Variants in DCC observed in about 807,000 individuals in gnomAD.
The protein encoded by DCC is DCC netrin 1 receptor.
A neutral mutation model predicts 172.5 loss-of-function variants in DCC; 58 were observed. That is an observed-to-expected ratio of 0.34 (90% CI 0.27 to 0.42). The LOEUF is 0.42. DCC is among the 10% of genes least tolerant of loss of function. The pLI, the probability that DCC is intolerant of heterozygous loss-of-function variation, is 1.00. For synonymous variants in DCC, 709 were observed against 644.5 expected, an observed-to-expected ratio of 1.10 and a Z score of -1.52; for missense variants, 1,740 against 1,791.0, an observed-to-expected ratio of 0.97 and a Z score of 0.51.
chr18:53,510,382 G>C lies in DCC; in HGVS notation c.4111+10872G>C, dbSNP rs2046235881. ...TGAATAGTGATAATGTTAAATCACA[G>C]AGAATGGGAGCTAATTAAAATAAAT... On this transcript the variant is annotated intron_variant, in intron 27 of 28. Transcript: ENST00000442544. 2.0e-5 allele frequency among the ~76,000 whole-genome samples: 3 copies of C among 152,210 alleles called. No homozygotes were observed. In the South Asian group the frequency reaches 6.2e-4, roughly 32 times the overall value.
At chr18:52,629,673 G>A (rs1323847867) in intron 1 of DCC, among the ~76,000 whole-genome samples, 2 of 152,004 alleles carry the variant, frequency 1.3e-5, no homozygotes, top group Non-Finnish European at 2.9e-5. Context: ...AAATTAGTCC[G>A]GGCGCGGTGG....
At chr18:53,335,107 A>T (rs2057577054) in intron 14 of DCC, among the ~76,000 whole-genome samples, 1 of 152,108 alleles carries the variant, frequency 6.6e-6, no homozygotes, top group African/African-American at 2.4e-5. Context: ...GATGTTCCAG[A>T]TGTGATGATC....
chr18:52,359,009 A>G (rs1167482548), intron 1 of DCC, among the ~76,000 whole-genome samples: 1 of 152,204 alleles, frequency 6.6e-6, no homozygotes, highest in East Asian at 1.9e-4. Context: ...ACAACAATTC[A>G]TTTAACTAGG....
At chr18:52,617,448 C>T (rs1235139487) in intron 1 of DCC, among the ~76,000 whole-genome samples, 1 of 152,260 alleles carries the variant, frequency 6.6e-6, no homozygotes, top group East Asian at 1.9e-4. Flanking sequence ...AATGCACACA[C>T]TACTGAATCG....
At chr18:52,606,412 G>A (rs2034132133) in intron 1 of DCC, among the ~76,000 whole-genome samples, 1 of 152,034 alleles carries the variant, frequency 6.6e-6, no homozygotes, top group Non-Finnish European at 1.5e-5. Flanking sequence ...CTAGTACAAA[G>A]TAGGTATTCT....
intron 3 of DCC, among the ~76,000 whole-genome samples, chr18:52,920,773 A>G (rs1598931613): frequency 6.6e-6 from 1 of 152,170 alleles, no homozygotes; most frequent in Non-Finnish European, 1.5e-5. Flanking sequence ...ACTGGAAGCC[A>G]CCAAGGTATT....
At chr18:53,309,214 T>C (rs2057236689) in intron 13 of DCC, among the ~76,000 whole-genome samples, 1 of 152,074 alleles carries the variant, frequency 6.6e-6, no homozygotes, top group Admixed American at 6.6e-5. Context: ...ATTTTTTAAA[T>C]TTTTCGTAGA....
Position 52,435,382 on chromosome 18 carries a change from G to T in DCC, c.91+94504G>T, listed in dbSNP as rs1261638445. On this transcript the variant is annotated intron_variant, in intron 1 of 28. Coordinates refer to ENST00000442544, the MANE Select transcript of DCC (RefSeq NM_005215.4). Reference sequence around the variant, plus strand: ...CTTAGCCCTTCTCTATTTCATAATGGCCTTTTCCATGGGTGGGGTATGTAG... The same window carrying T: ...CTTAGCCCTTCTCTATTTCATAATGTCCTTTTCCATGGGTGGGGTATGTAG... 2.6e-5 allele frequency among the ~76,000 whole-genome samples: 4 copies of T among 152,114 alleles called. No individual in the cohort carries two copies. The South Asian group carries it at 6.2e-4, about 24-fold the overall frequency.
At chr18:52,353,353 T>C (rs1285499903) in intron 1 of DCC, among the ~76,000 whole-genome samples, 2 of 152,082 alleles carry the variant, frequency 1.3e-5, no homozygotes, top group African/African-American at 4.8e-5. Context: ...CAACTCTCTT[T>C]CCTCCTTAAA....
At chr18:52,454,164 AT>A (rs34999528) in intron 1 of DCC, among the ~76,000 whole-genome samples, 4,693 of 152,242 alleles carry the variant, frequency 0.031, 234 homozygotes, top group African/African-American at 0.11. Flanking sequence ...CAGGGAAGAC[AT>A]TTTTTGCTAT....
At chr18:52,807,867 C>T (rs1038381262) in intron 2 of DCC, among the ~76,000 whole-genome samples, 8 of 151,732 alleles carry the variant, frequency 5.3e-5, no homozygotes, top group Admixed American at 2.6e-4. Context: ...TCCAATCATA[C>T]ACCTCATCTC....
chr18:53,195,896 G>C (rs1274392695), intron 9 of DCC, among the ~76,000 whole-genome samples: 1 of 152,090 alleles, frequency 6.6e-6, no homozygotes, highest in African/African-American at 2.4e-5. Context: ...TCATTTCTAG[G>C]TGTTTTCTGT....
intron 12 of DCC, among the ~76,000 whole-genome samples, chr18:53,246,608 G>A (rs1473263105): frequency 6.6e-6 from 1 of 151,920 alleles, no homozygotes. Context: ...TGCCTCATGG[G>A]CATTTATTAT....
At chr18:53,120,536 C>T (rs545096125) in intron 7 of DCC, among the ~76,000 whole-genome samples, 54 of 151,682 alleles carry the variant, frequency 3.6e-4, no homozygotes, top group Non-Finnish European at 6.9e-4. Flanking sequence ...TTCTGCTTAC[C>T]TTTATGCTGA....
intron 27 of DCC, among the ~76,000 whole-genome samples, chr18:53,512,557 CT>C (rs2046270767): frequency 1.4e-5 from 2 of 146,678 alleles, no homozygotes; most frequent in Admixed American, 1.4e-4. Flanking sequence ...AAGTTGAAAA[CT>C]TTGAAAAAAA....
At chr18:52,343,348 A>T (rs1983740650) in intron 1 of DCC, among the ~76,000 whole-genome samples, 2 of 152,198 alleles carry the variant, frequency 1.3e-5, no homozygotes, top group Admixed American at 1.3e-4. Flanking sequence ...ATTCCCATTC[A>T]GCCGGGTGTT....
intron 12 of DCC, among the ~76,000 whole-genome samples, chr18:53,221,079 C>T (rs2055925489): frequency 6.6e-6 from 1 of 152,070 alleles, no homozygotes; most frequent in South Asian, 2.1e-4. Flanking sequence ...CTTCAGATCT[C>T]TTCCATCCTG....
chr18:52,638,952 G>A (rs1320353702), intron 1 of DCC, among the ~76,000 whole-genome samples: 1 of 151,654 alleles, frequency 6.6e-6, no homozygotes, highest in Non-Finnish European at 1.5e-5. Context: ...CCATATGACA[G>A]GCCATTCTCT....
intron 19 of DCC, among the ~76,000 whole-genome samples, chr18:53,404,685 C>T (rs1282530008): frequency 2.0e-5 from 3 of 151,394 alleles, no homozygotes; most frequent in East Asian, 1.9e-4. Flanking sequence ...GAGCCCCGTT[C>T]GCGCTACTGC....
Sources: allele counts gnomAD v4.1 joint callset (sites outside exome capture counted in the v4.1 genomes callset), GRCh38; gene constraint gnomAD v4.1.1; transcripts MANE v1.5; gene names NCBI Gene and HGNC (gene_info 2026-07-23, HGNC 2026-07-21).